SOX6: variants seen among roughly 807,000 people sequenced by gnomAD.
SOX6 encodes SRY-box transcription factor 6.
SOX6 carries 11 observed loss-of-function variants against 97.8 expected under a neutral mutation model. The observed-to-expected ratio is 0.11, with a 90% CI of 0.07 to 0.19. The LOEUF (loss-of-function observed/expected upper bound fraction) is 0.19, where lower values mean the gene tolerates loss of function less well. Ranked by LOEUF, SOX6 falls within the 10% of genes least tolerant of loss-of-function variation. The pLI is 1.00. For synonymous variants in SOX6, 360 were observed against 371.4 expected, an observed-to-expected ratio of 0.97 and a Z score of 0.35; for missense variants, 810 against 1,039.5, an observed-to-expected ratio of 0.78 and a Z score of 3.04.
intron 9 of SOX6, among the ~76,000 whole-genome samples, chr11:16,090,179 A>C (rs1037226334): frequency 1.3e-5 from 2 of 152,090 alleles, no homozygotes; most frequent in Non-Finnish European, 2.9e-5. Context: ...TGGATTAATT[A>C]GTGGGGCTAG....
intron 4 of SOX6, among the ~76,000 whole-genome samples, chr11:16,509,378 C>T (rs1269714370): frequency 6.6e-6 from 1 of 151,922 alleles, no homozygotes; most frequent in Non-Finnish European, 1.5e-5. Context: ...CTACAATATG[C>T]ACAGTATATT....
chr11:16,325,423 G>T (rs1404988124), intron 2 of SOX6, among the ~76,000 whole-genome samples: 4 of 151,592 alleles, frequency 2.6e-5, no homozygotes, highest in Non-Finnish European at 5.9e-5. Flanking sequence ...TTCCTTTTTT[G>T]CTTATCTGTG....
chr11:16,051,176 A>G (rs967183905), intron 10 of SOX6, among the ~76,000 whole-genome samples: 1 of 152,138 alleles, frequency 6.6e-6, no homozygotes, highest in Non-Finnish European at 1.5e-5. Context: ...TAAAAACAGC[A>G]TGCGCAAAGA....
At chr11:16,565,999 G>A (rs1286636591) in intron 4 of SOX6, among the ~76,000 whole-genome samples, 2 of 151,804 alleles carry the variant, frequency 1.3e-5, no homozygotes, top group Non-Finnish European at 2.9e-5. Context: ...GAGAGGCTGA[G>A]GCAGGAGAAT....
chr11:15,980,671 T>C (rs985684637), intron 15 of SOX6, among the ~76,000 whole-genome samples: 5 of 152,146 alleles, frequency 3.3e-5, no homozygotes, highest in South Asian at 2.1e-4. Flanking sequence ...CAGGTGTTCA[T>C]GCTCTCCTCT....
chr11:16,540,010 C>T (rs1179313488), intron 4 of SOX6, among the ~76,000 whole-genome samples: 1 of 151,750 alleles, frequency 6.6e-6, no homozygotes, highest in Admixed American at 6.6e-5. Context: ...GGCAGGGACA[C>T]AACAAAAAAA....
intron 4 of SOX6, among the ~76,000 whole-genome samples, chr11:16,608,966 T>C (rs1309248753): frequency 1.3e-5 from 2 of 152,158 alleles, no homozygotes; most frequent in African/African-American, 2.4e-5. Context: ...AAGTCAGATG[T>C]AGAAAATTAT....
intron 4 of SOX6, among the ~76,000 whole-genome samples, chr11:16,528,613 T>G (rs560139020): frequency 6.6e-6 from 1 of 151,918 alleles, no homozygotes; most frequent in African/African-American, 2.4e-5. Flanking sequence ...CCTTTCTAAG[T>G]GAAATAGGGA....
At chr11:16,382,587 C>T (rs541412258) in intron 1 of SOX6, among the ~76,000 whole-genome samples, 1 of 152,074 alleles carries the variant, frequency 6.6e-6, no homozygotes, top group South Asian at 2.1e-4. Flanking sequence ...CACTGTAATG[C>T]TTTTACCTAA....
chr11:15,985,213 T>C (rs926600233), intron 15 of SOX6, among the ~76,000 whole-genome samples: 1 of 152,216 alleles, frequency 6.6e-6, no homozygotes, highest in Non-Finnish European at 1.5e-5. Context: ...ACCTCTTGAG[T>C]GCCCTTAAAA....
chr11:16,595,023 GAAA>G (rs941794414), intron 4 of SOX6, among the ~76,000 whole-genome samples: 7 of 152,130 alleles, frequency 4.6e-5, no homozygotes, highest in Admixed American at 3.9e-4. Context: ...GAACTTAATT[GAAA>G]ATCTTAAAGG....
intron 1 of SOX6, among the ~76,000 whole-genome samples, chr11:16,345,933 A>G (rs1393312126): frequency 6.6e-6 from 1 of 152,086 alleles, no homozygotes; most frequent in Non-Finnish European, 1.5e-5. Flanking sequence ...AATTCATCAT[A>G]GCAATATATT....
At chr11:16,648,467 C>T (rs146661025) in intron 3 of SOX6, among the ~76,000 whole-genome samples, 51 of 152,232 alleles carry the variant, frequency 3.4e-4, no homozygotes, top group Middle Eastern at 6.8e-3. Context: ...ACCTGAGAAA[C>T]CAAAATACTT....
rs911721452 is a variant in SOX6 at position 15,972,440 on chromosome 11, T to A, written c.*369A>T. Reference sequence around the variant, plus strand: ...CCGGCACAGCATACCTGAGTGAGAATGTTTAACCCCATCTAAAACAGTAAC... The same window carrying A: ...CCGGCACAGCATACCTGAGTGAGAAAGTTTAACCCCATCTAAAACAGTAAC... On this transcript the variant is annotated 3_prime_UTR_variant, in exon 16 of 16. Coordinates refer to ENST00000683767, the MANE Select transcript of SOX6 (RefSeq NM_001367873.1). 1 of 250,198 alleles carries A rather than the reference T, an allele frequency of 4.0e-6. No individual in the cohort carries two copies. The highest frequency in any genetic ancestry group is 2.3e-5 in the African/African-American group (1 of 43,722). The allele number at this position is 250,198 out of a possible 1,614,324, so 15.5% of individuals were successfully genotyped here.
chr11:16,048,996 G>T (rs1847614067), intron 11 of SOX6, among the ~76,000 whole-genome samples: 1 of 151,990 alleles, frequency 6.6e-6, no homozygotes, highest in Admixed American at 6.6e-5. Flanking sequence ...ATTTTAAATT[G>T]AATGCCTTCT....
intron 3 of SOX6, among the ~76,000 whole-genome samples, chr11:16,280,050 T>C (rs946571282): frequency 6.6e-6 from 1 of 152,092 alleles, no homozygotes; most frequent in Non-Finnish European, 1.5e-5. Context: ...ACAAAATGTA[T>C]CAAGAAATGA....
At chr11:16,370,208 A>G (rs1590165210) in intron 1 of SOX6, among the ~76,000 whole-genome samples, 1 of 152,024 alleles carries the variant, frequency 6.6e-6, no homozygotes, top group African/African-American at 2.4e-5. Flanking sequence ...CATCAGCCCC[A>G]TGGCTGGTAG....
intron 13 of SOX6, among the ~76,000 whole-genome samples, chr11:16,001,625 C>T (rs767526842): frequency 6.6e-6 from 1 of 152,198 alleles, no homozygotes; most frequent in Non-Finnish European, 1.5e-5. Context: ...AAGGATGCCA[C>T]TTCCCTGCCC....
intron 12 of SOX6, 55 bp downstream of exon 12, chr11:16,046,459 A>C: frequency 4.4e-6 from 7 of 1,594,674 alleles, no homozygotes; most frequent in Non-Finnish European, 6.0e-6. Context: ...AAAGAACCAG[A>C]TGAGAGTGAG....
Sources: gnomAD v4.1 joint callset for allele counts (sites outside exome capture counted in the v4.1 genomes callset) on GRCh38, gnomAD v4.1.1 for gene constraint, MANE v1.5 for transcripts, NCBI Gene and HGNC (gene_info 2026-07-23, HGNC 2026-07-21) for gene names.